Variants in HIVEP3 observed in about 807,000 individuals in gnomAD.
The protein encoded by HIVEP3 is HIVEP zinc finger 3.
In HIVEP3, 49 loss-of-function variants were observed where a neutral mutation model predicts 152.8. That is an observed-to-expected ratio of 0.32 (90% CI 0.26 to 0.41). HIVEP3 has a LOEUF of 0.41. Among genes scored for constraint, HIVEP3 ranks in the 10% least tolerant of loss-of-function variants. HIVEP3 has a pLI of 1.00. For synonymous variants in HIVEP3, 1,269 were observed against 1,289.0 expected (o/e 0.98, Z 0.33); for missense variants, 2,790 against 3,103.3 (o/e 0.90, Z 2.40).
intron 1 of HIVEP3, among the ~76,000 whole-genome samples, chr1:41,825,209 G>A (rs1248571663): frequency 1.3e-5 from 2 of 152,120 alleles, no homozygotes; most frequent in Non-Finnish European, 2.9e-5. Context: ...GGGGATGGAA[G>A]TTACAAAGTA....
chr1:41,529,098 TCA>T (rs1339391716), intron 5 of HIVEP3, among the ~76,000 whole-genome samples: 2 of 57,462 alleles, frequency 3.5e-5, no homozygotes, highest in Non-Finnish European at 6.8e-5. Flanking sequence ...CCCCACACCC[TCA>T]CACATGCTCA....
At chr1:41,729,875 C>G (rs1205987389) in intron 1 of HIVEP3, among the ~76,000 whole-genome samples, 1 of 152,118 alleles carries the variant, frequency 6.6e-6, no homozygotes, top group Non-Finnish European at 1.5e-5. Flanking sequence ...TGTGAGTTTC[C>G]GGTTCCCTCT....
chr1:41,543,817 G>C (rs1007981751), intron 5 of HIVEP3: 1 of 152,226 alleles, frequency 6.6e-6, no homozygotes, highest in African/African-American at 2.4e-5. Context: ...AAGCGCAGGG[G>C]AAGTGGAGAT....
intron 3 of HIVEP3, among the ~76,000 whole-genome samples, chr1:41,589,692 C>T (rs917348245): frequency 2.6e-5 from 4 of 152,092 alleles, no homozygotes; most frequent in Admixed American, 1.3e-4. Context: ...CTGGGGTCCC[C>T]GGTCAAAGTT....
chr1:41,601,579 T>C (rs537950292), intron 3 of HIVEP3, among the ~76,000 whole-genome samples: 2 of 152,320 alleles, frequency 1.3e-5, no homozygotes, highest in African/African-American at 4.8e-5. Context: ...ATGCCACTGA[T>C]TTTTGTAAAT....
intron 1 of HIVEP3, among the ~76,000 whole-genome samples, chr1:41,785,126 C>T (rs1186218662): frequency 6.6e-6 from 1 of 152,238 alleles, no homozygotes; most frequent in African/African-American, 2.4e-5. Context: ...TCTCTTTCCC[C>T]TCCTCAAACC....
intron 1 of HIVEP3, among the ~76,000 whole-genome samples, chr1:41,992,704 C>A (rs1344807133): frequency 8.2e-6 from 1 of 121,288 alleles, no homozygotes; most frequent in Non-Finnish European, 1.7e-5. Flanking sequence ...AATCCTAAGC[C>A]AAAAGAACAA....
At chr1:41,853,958 C>T (rs530092553) in intron 1 of HIVEP3, among the ~76,000 whole-genome samples, 25 of 152,210 alleles carry the variant, frequency 1.6e-4, no homozygotes, top group African/African-American at 5.3e-4. Context: ...GCTCACACAT[C>T]GAGGAGCTGG....
intron 1 of HIVEP3, among the ~76,000 whole-genome samples, chr1:41,783,592 T>C (rs1649178491): frequency 1.3e-5 from 2 of 152,162 alleles, no homozygotes; most frequent in Non-Finnish European, 2.9e-5. Flanking sequence ...CTAGATACTC[T>C]GTGCTCCTTC....
intron 5 of HIVEP3, among the ~76,000 whole-genome samples, chr1:41,556,758 T>C (rs1030571198): frequency 6.6e-6 from 1 of 152,232 alleles, no homozygotes; most frequent in South Asian, 2.1e-4. Flanking sequence ...AGAGTTTTAT[T>C]ATAGTTTTAG....
intron 2 of HIVEP3, among the ~76,000 whole-genome samples, chr1:41,651,778 A>AT (rs1381035881): frequency 6.6e-5 from 10 of 152,138 alleles, no homozygotes; most frequent in Non-Finnish European, 1.5e-4. Context: ...TTTTTTAAAA[A>AT]TTTTTTTACA....
intron 1 of HIVEP3, among the ~76,000 whole-genome samples, chr1:42,004,835 T>C (rs1416948241): frequency 6.6e-6 from 1 of 152,222 alleles, no homozygotes; most frequent in Non-Finnish European, 1.5e-5. Flanking sequence ...CCTGGCAGTC[T>C]GTGTTTCAAG....
intron 2 of HIVEP3, among the ~76,000 whole-genome samples, chr1:41,671,924 G>A (rs1259795058): frequency 1.3e-5 from 2 of 152,202 alleles, no homozygotes; most frequent in Non-Finnish European, 2.9e-5. Context: ...GAATATGAAA[G>A]TTGGAGAATG....
chr1:41,876,859 T>C (rs1309033536), intron 1 of HIVEP3, among the ~76,000 whole-genome samples: 3 of 152,176 alleles, frequency 2.0e-5, no homozygotes, highest in Non-Finnish European at 4.4e-5. Flanking sequence ...TTTTTTGAGA[T>C]GAGTATCATT....
At chr1:41,974,365 C>G (rs1442939358) in intron 1 of HIVEP3, among the ~76,000 whole-genome samples, 1 of 151,892 alleles carries the variant, frequency 6.6e-6, no homozygotes, top group Non-Finnish European at 1.5e-5. Context: ...TGTCCAAACC[C>G]TTCCCTTCTA....
chr1:41,862,297 G>C (rs1168654214), intron 1 of HIVEP3, among the ~76,000 whole-genome samples: 5 of 152,140 alleles, frequency 3.3e-5, no homozygotes, highest in Non-Finnish European at 7.4e-5. Context: ...TGCTCCTTCC[G>C]TTGATGCTCC....
chr1:41,868,985 T>A (rs1438838374), intron 1 of HIVEP3, among the ~76,000 whole-genome samples: 1 of 152,224 alleles, frequency 6.6e-6, no homozygotes, highest in Non-Finnish European at 1.5e-5. Context: ...TGAAATGATT[T>A]GCCTGAGATC....
chr1:41,980,972 C>G (rs1310493454), intron 1 of HIVEP3, among the ~76,000 whole-genome samples: 2 of 152,182 alleles, frequency 1.3e-5, no homozygotes, highest in East Asian at 3.9e-4. Context: ...GGAGAGAAAG[C>G]AAGGCAAGAC....
In HIVEP3 at chr1:41,795,004, T is replaced by C. The variant is rs148633769; in HGVS notation, c.-800-94009A>G. On this transcript the variant is annotated intron_variant, in intron 1 of 8. Transcript: ENST00000372583. ...ATGTAGTGGCACAATCATAGCTTAC[T>C]ATAACCTCAAATGGACCTAAGACTA... 7.9e-5 allele frequency among the ~76,000 whole-genome samples: 12 copies of C among 152,334 alleles called. No individual in the cohort carries two copies. The East Asian group carries it at 2.3e-3, about 29-fold the overall frequency.
Sources: gnomAD v4.1 joint callset for allele counts (sites outside exome capture counted in the v4.1 genomes callset) on GRCh38, gnomAD v4.1.1 for gene constraint, MANE v1.5 for transcripts, NCBI Gene and HGNC (gene_info 2026-07-23, HGNC 2026-07-21) for gene names.